Variants in PRC1 observed in about 807,000 individuals in gnomAD.
PRC1 encodes anaphase spindle elongation 1 homolog.
Under a neutral mutation model 91.2 loss-of-function variants are expected in PRC1, and 54 were observed. The observed-to-expected ratio is 0.59, with a 90% CI of 0.48 to 0.74. PRC1 has a LOEUF of 0.74. PRC1 is among the 30% of genes least tolerant of loss of function. The probability of loss-of-function intolerance (pLI) is 0.00; values close to 1 mark genes in which losing one functional copy is unlikely to be tolerated. For synonymous variants in PRC1, 275 were observed against 263.6 expected (o/e 1.04, Z -0.42); for missense variants, 727 against 746.2 (o/e 0.97, Z 0.30).
chr15:90,984,128 T>C lies in PRC1; in HGVS notation c.157A>G (p.Met53Val), dbSNP rs1333220685. ...VKKHIKELLD[M>V]MIAEEESLKE... is the part of the protein sequence containing the mutation. ...AGGCTTTCCTCTTCAGCAATCATCA[T>C]ATCCAGGAGTTCCTACAAGAGGGAA... The change falls in exon 3 of 15, where the codon ATG becomes GTG. Residue 53 changes from methionine to valine, a missense_variant. Coordinates refer to ENST00000394249, the MANE Select transcript of PRC1 (RefSeq NM_003981.4). The surrounding 1 kb of genome is among the most constrained non-coding windows in gnomAD (Gnocchi z 5.1). 1.9e-6 allele frequency: 3 copies of C among 1,614,032 alleles called. No homozygotes were observed. Among genetic ancestry groups the C allele is most frequent in the Non-Finnish European group, 2.5e-6 (3 of 1,180,008 alleles).
intron 1 of PRC1, among the ~76,000 whole-genome samples, chr15:90,986,832 T>G (rs2039611874): frequency 6.6e-6 from 1 of 151,890 alleles, no homozygotes. Context: ...CCTCAAATCT[T>G]TTCATTTTTT....
intron 1 of PRC1, among the ~76,000 whole-genome samples, chr15:90,991,500 TA>T (rs2039981252): frequency 6.6e-6 from 1 of 152,100 alleles, no homozygotes; most frequent in African/African-American, 2.4e-5. Flanking sequence ...TGTTTGGAAT[TA>T]CCAAACACCC....
At chr15:90,967,944 T>G (rs1443277468) in intron 14 of PRC1, 38 of 985,264 alleles carry the variant, frequency 3.9e-5, no homozygotes, top group Non-Finnish European at 4.6e-5. Context: ...TACCAATCCC[T>G]GGGGCTGAGG....
Position 90,967,007 on chromosome 15 carries a change from A to T in PRC1, c.*124T>A. On this transcript the variant is annotated 3_prime_UTR_variant, in exon 15 of 15. Transcript: ENST00000394249. ...TCATTCACATCTTTAAGTTAGGCCC[A>T]TGGTCATGGAACCTGGCCAAGGTTT... 1 of 797,950 alleles carries T rather than the reference A, an allele frequency of 1.3e-6. No homozygotes were observed. Among genetic ancestry groups the T allele is most frequent in the Non-Finnish European group, 2.1e-6 (1 of 471,072 alleles). 49.4% of individuals were successfully genotyped at this position (797,950 alleles called of 1,614,324 possible). A position where few individuals can be genotyped will look rare whatever the true frequency, so the allele number is the denominator to read the frequency against.
chr15:90,975,795 T>A (rs2038628482), intron 9 of PRC1, among the ~76,000 whole-genome samples: 1 of 151,950 alleles, frequency 6.6e-6, no homozygotes, highest in African/African-American at 2.4e-5. Context: ...ACCAGCCTGG[T>A]CAACACAGCG....
intron 8 of PRC1, 80 bp downstream of exon 8, chr15:90,979,078 C>T: frequency 3.4e-6 from 5 of 1,473,350 alleles, no homozygotes; most frequent in East Asian, 2.3e-5. Flanking sequence ...AAAAGCCTGG[C>T]AAAGAACAAA....
chr15:90,992,349 C>A (rs1223462082), intron 1 of PRC1, among the ~76,000 whole-genome samples: 1 of 152,180 alleles, frequency 6.6e-6, no homozygotes, highest in Non-Finnish European at 1.5e-5. Context: ...TGCTATATCC[C>A]CAACACTTGC....
At chr15:90,978,753 CAAAAAAA>C (rs869065052) in intron 8 of PRC1, among the ~76,000 whole-genome samples, 3,835 of 39,664 alleles carry the variant, frequency 0.097, 102 homozygotes, top group Non-Finnish European at 0.14. Context: ...AACTCCACCT[CAAAAAAA>C]AAAAAAAAAA....
Position 90,981,190 on chromosome 15 carries a change from G to A in PRC1, c.673-157C>T, listed in dbSNP as rs573458377. 1.1e-5 allele frequency: 11 copies of A among 1,003,852 alleles called. No individual in the cohort carries two copies. In the East Asian group the frequency reaches 2.3e-4, roughly 21 times the overall value. 62.2% of individuals were successfully genotyped at this position (1,003,852 alleles called of 1,614,324 possible). On this transcript the variant is annotated intron_variant, in intron 5 of 14. Transcript: ENST00000394249. ...ATGCCTCCTAAACACGAGCTGTAAG[G>A]CTGTCGGGATCTCAGACCCCAAGAA...
rs1195973802 is a variant in PRC1 at position 90,966,253 on chromosome 15, A to G, written c.*878T>C. The G allele has an allele frequency of 9.3e-6, 2 of 215,718 alleles. No individual in the cohort carries two copies. The highest frequency in any genetic ancestry group is 4.6e-5 in the African/African-American group (2 of 43,424). 13.4% of individuals were successfully genotyped at this position (215,718 alleles called of 1,614,324 possible). A position where few individuals can be genotyped will look rare whatever the true frequency, so the allele number is the denominator to read the frequency against. On this transcript the variant is annotated 3_prime_UTR_variant, in exon 15 of 15. Coordinates refer to ENST00000394249, the MANE Select transcript of PRC1 (RefSeq NM_003981.4). The stretch of plus-strand genomic sequence containing the variant: ...AGTGCTTCAAGAAGAGTAGTGATTG[A>G]GAGGATAGGTAAAGAGGGCGCCTCA...
In PRC1 at chr15:90,966,190, T is replaced by C; in HGVS notation, c.*941A>G. 5.3e-6 allele frequency: 1 copy of C among 188,300 alleles called. No individual in the cohort carries two copies. The highest frequency in any genetic ancestry group is 1.1e-5 in the Non-Finnish European group (1 of 88,928). 11.7% of individuals were successfully genotyped at this position (188,300 alleles called of 1,614,324 possible). The stretch of plus-strand genomic sequence containing the variant: ...AGAACCATTTACACTATGTTGACAG[T>C]AGTACTGCTGCAGGCAGACAGCGGA... On this transcript the variant is annotated 3_prime_UTR_variant, in exon 15 of 15. Transcript: ENST00000394249.
At chr15:90,987,722 C>A (rs2039686769) in intron 1 of PRC1, 1 of 152,158 alleles carries the variant, frequency 6.6e-6, no homozygotes, top group Non-Finnish European at 1.5e-5. Flanking sequence ...TGCAGCAAAT[C>A]ACCTAAACAC....
At chr15:90,980,454 A>G in intron 6 of PRC1, 65 bp from the exon 7 acceptor site, 1 of 1,525,002 alleles carries the variant, frequency 6.6e-7, no homozygotes, top group Non-Finnish European at 8.8e-7. Context: ...TTTGCAAAAG[A>G]TCCCCCCCTT....
At chr15:90,978,330 A>T (rs2038902350) in intron 8 of PRC1, among the ~76,000 whole-genome samples, 2 of 152,190 alleles carry the variant, frequency 1.3e-5, no homozygotes, top group Admixed American at 1.3e-4. Flanking sequence ...CTGGGGCAGC[A>T]ATTCACCCAG....
At chr15:90,994,045 C>T (rs1380116569) in intron 1 of PRC1, among the ~76,000 whole-genome samples, 1 of 152,156 alleles carries the variant, frequency 6.6e-6, no homozygotes, top group East Asian at 1.9e-4. Context: ...TGAGACGCTG[C>T]GGGCGGGGAG....
At position 90,966,696 on chromosome 15, in the gene PRC1, A is replaced by G. The variant is rs1194617107; in HGVS notation, c.*435T>C. On this transcript the variant is annotated 3_prime_UTR_variant, in exon 15 of 15. Coordinates refer to ENST00000394249, the MANE Select transcript of PRC1 (RefSeq NM_003981.4). ...GGCTTCAGGTAAGAGCAAAGCTATG[A>G]TAGCTACAGCATTAATTGAACATGC... 2.2e-6 allele frequency: 1 copy of G among 456,258 alleles called. No individual in the cohort carries two copies. Among genetic ancestry groups the G allele is most frequent in the Admixed American group, 2.4e-5 (1 of 42,480 alleles). The allele number at this position is 456,258 out of a possible 1,614,324, so 28.3% of individuals were successfully genotyped here.
rs1021859790 is a variant in PRC1, at chr15:90,984,636, T to G, written c.144+57A>C. The G allele has an allele frequency of 3.8e-5, 61 of 1,595,002 alleles. No individual in the cohort carries two copies. The highest frequency in any genetic ancestry group is 4.5e-5 in the Non-Finnish European group (53 of 1,166,944). Reference sequence around the variant, plus strand: ...TGTCCCTTCTGTATGCTATCTCGGGTGAGACACCAACATCCTTACCCTGGT... The same window carrying G: ...TGTCCCTTCTGTATGCTATCTCGGGGGAGACACCAACATCCTTACCCTGGT... On this transcript the variant is annotated intron_variant, in intron 2 of 14. Transcript: ENST00000394249. This position sits in a 1 kb window ranked among gnomAD's most constrained non-coding sequence, Gnocchi z 5.1.
chr15:90,993,481 T>C (rs2040102155), intron 1 of PRC1, among the ~76,000 whole-genome samples: 1 of 152,192 alleles, frequency 6.6e-6, no homozygotes, highest in Non-Finnish European at 1.5e-5. Flanking sequence ...GATCATGAAA[T>C]GAAGAATCTT....
Position 90,984,909 on chromosome 15 carries a change from T to A in PRC1, c.12-84A>T, listed in dbSNP as rs376250213. 6.5e-7 allele frequency: 1 copy of A among 1,535,554 alleles called. No homozygotes were observed. The highest frequency in any genetic ancestry group is 8.8e-7 in the Non-Finnish European group (1 of 1,135,116). ...CACTATTTTCGAGAACTAAAAAGAC[T>A]AGCTTCTCAGTGGCCTCGAGAAAAA... On this transcript the variant is annotated intron_variant, in intron 1 of 14. Transcript: ENST00000394249. This position sits in a 1 kb window ranked among gnomAD's most constrained non-coding sequence, Gnocchi z 5.1.
Sources: gnomAD v4.1 joint callset for allele counts (sites outside exome capture counted in the v4.1 genomes callset) on GRCh38, gnomAD v4.1.1 for gene constraint, Gnocchi (gnomAD v3.1) non-coding constraint, MANE v1.5 for transcripts, NCBI Gene and HGNC (gene_info 2026-07-23, HGNC 2026-07-21) for gene names.